Variants in ASTN2 observed in about 807,000 individuals in gnomAD.
ASTN2 encodes astrotactin-2.
ASTN2 carries 54 observed loss-of-function variants against 139.8 expected under a neutral mutation model. The observed-to-expected ratio is 0.39, with a 90% CI of 0.31 to 0.48. ASTN2 has a LOEUF of 0.48. ASTN2 is among the 20% of genes least tolerant of loss of function. ASTN2 has a pLI of 0.95. For synonymous variants in ASTN2, 756 were observed against 719.5 expected (o/e 1.05, Z -0.81); for missense variants, 1,565 against 1,725.1 (o/e 0.91, Z 1.64).
At chr9:117,123,512 T>C (rs1829611807) in intron 4 of ASTN2, among the ~76,000 whole-genome samples, 1 of 152,172 alleles carries the variant, frequency 6.6e-6, no homozygotes, top group East Asian at 1.9e-4. Context: ...GAAGTACAGT[T>C]AGATAACATA....
intron 7 of ASTN2, among the ~76,000 whole-genome samples, chr9:116,978,359 T>C (rs1265041432): frequency 6.6e-6 from 1 of 152,190 alleles, no homozygotes; most frequent in Non-Finnish European, 1.5e-5. Context: ...TAATTAACTA[T>C]CTGTTATTGC....
intron 20 of ASTN2, among the ~76,000 whole-genome samples, chr9:116,476,126 C>T (rs1434598313): frequency 6.6e-6 from 1 of 152,142 alleles, no homozygotes; most frequent in Non-Finnish European, 1.5e-5. Context: ...TGGAAAGAAT[C>T]CTTCCTTGCC....
rs191318768 is a variant in ASTN2, at chr9:116,734,631, T to C, written c.2397-1108A>G. Among the ~76,000 whole-genome samples the C allele has an allele frequency of 5.5e-3, 831 of 152,156 alleles. 45 individuals are homozygous for C. The South Asian group carries it at 0.14, about 26-fold the overall frequency. On this transcript the variant is annotated intron_variant, in intron 13 of 22. Transcript: ENST00000313400. ...AAGGAGGAAGATGTTTATTACTTCA[T>C]TTTGACACATGGAATGGTCAACCTT... is the stretch of plus-strand genomic sequence containing the variant.
chr9:116,632,128 AAGAGAG>A lies in ASTN2; in HGVS notation c.3073-11691_3073-11686del, dbSNP rs145360209. Among the ~76,000 whole-genome samples, 244 of 47,758 alleles carry A rather than the reference AAGAGAG, an allele frequency of 5.1e-3. 4 individuals carry two copies. The highest frequency in any genetic ancestry group is 0.017 in the East Asian group (16 of 964). The allele number at this position is 47,758 out of a possible 152,430, so 31.3% of individuals were successfully genotyped here. Reference sequence around the variant, plus strand: ...ACTGTGTCAAAAGAAAAAGAAAAAGAAGAGAGAGAGAGAGAGAGAGAGAGAGAGACA... The same window carrying A: ...ACTGTGTCAAAAGAAAAAGAAAAAGAAGAGAGAGAGAGAGAGAGAGAGACA... On this transcript the variant is annotated intron_variant, in intron 17 of 22. Transcript: ENST00000313400.
At chr9:117,374,243 C>T (rs532543372) in intron 1 of ASTN2, among the ~76,000 whole-genome samples, 4 of 152,060 alleles carry the variant, frequency 2.6e-5, no homozygotes, top group South Asian at 2.1e-4. Context: ...GGATTCACCC[C>T]AGTCTCTGCC....
chr9:116,522,013 A>G (rs752156523), intron 19 of ASTN2, among the ~76,000 whole-genome samples: 25 of 152,184 alleles, frequency 1.6e-4, no homozygotes, highest in Non-Finnish European at 3.1e-4. Flanking sequence ...ACAAAAAGTA[A>G]TAGATGTTGG....
intron 17 of ASTN2, among the ~76,000 whole-genome samples, chr9:116,638,661 G>A (rs547139167): frequency 1.6e-4 from 25 of 152,256 alleles, no homozygotes; most frequent in East Asian, 1.4e-3. Context: ...AGGTTGTGGG[G>A]AACTCTGCAG....
chr9:116,681,376 G>A (rs1419675399), intron 16 of ASTN2, among the ~76,000 whole-genome samples: 2 of 152,078 alleles, frequency 1.3e-5, no homozygotes, highest in East Asian at 1.9e-4. Context: ...AATAAAAGAG[G>A]ATACAAACAA....
intron 1 of ASTN2, among the ~76,000 whole-genome samples, chr9:117,396,940 GCTTTTT>G (rs1042570699): frequency 9.0e-6 from 1 of 111,326 alleles, no homozygotes; most frequent in African/African-American, 3.4e-5. Context: ...ATCCACTCAA[GCTTTTT>G]TTTTTTTTTT....
At chr9:116,553,076 T>A (rs1489459741) in intron 19 of ASTN2, among the ~76,000 whole-genome samples, 1 of 152,132 alleles carries the variant, frequency 6.6e-6, no homozygotes, top group Non-Finnish European at 1.5e-5. Flanking sequence ...TTAAAAGATG[T>A]CTGAGTTAGG....
At chr9:116,610,794 CA>C (rs1197375233) in intron 19 of ASTN2, 1 of 151,988 alleles carries the variant, frequency 6.6e-6, no homozygotes, top group Non-Finnish European at 1.5e-5. Flanking sequence ...ACTTAAATAA[CA>C]ATAACTTCAA....
intron 1 of ASTN2, among the ~76,000 whole-genome samples, chr9:117,411,077 C>G (rs1387666776): frequency 2.0e-5 from 3 of 152,116 alleles, no homozygotes; most frequent in Admixed American, 2.0e-4. Flanking sequence ...ACCAGGATTC[C>G]AGTTCCAGGT....
intron 16 of ASTN2, among the ~76,000 whole-genome samples, chr9:116,724,539 C>A (rs1220461194): frequency 1.3e-5 from 2 of 152,180 alleles, no homozygotes; most frequent in East Asian, 3.9e-4. Context: ...AGGTGTAGAG[C>A]ACCCCACTTG....
intron 22 of ASTN2, among the ~76,000 whole-genome samples, chr9:116,430,793 G>T (rs1474707298): frequency 2.0e-5 from 3 of 152,224 alleles, no homozygotes; most frequent in Admixed American, 6.5e-5. Flanking sequence ...TGGAGAGAAG[G>T]GTTGGAGGTG....
intron 5 of ASTN2, among the ~76,000 whole-genome samples, chr9:117,094,011 T>C (rs1828772478): frequency 6.6e-6 from 1 of 152,020 alleles, no homozygotes; most frequent in South Asian, 2.1e-4. Flanking sequence ...AATTTTAAAT[T>C]GTTGTTTGGT....
chr9:117,007,670 T>C (rs1265346755), intron 7 of ASTN2, among the ~76,000 whole-genome samples: 1 of 152,218 alleles, frequency 6.6e-6, no homozygotes, highest in Admixed American at 6.5e-5. Flanking sequence ...TTAATGAATA[T>C]GCTGTGAGAT....
chr9:116,589,570 A>G (rs16933729), intron 19 of ASTN2, among the ~76,000 whole-genome samples: 30,357 of 152,096 alleles, frequency 0.2, 3,846 homozygotes, highest in African/African-American at 0.35. Context: ...TTGAAAACAA[A>G]GATTCTGCAT....
At chr9:117,095,918 G>A (rs1828828886) in intron 5 of ASTN2, 126 bp downstream of exon 5, 1 of 786,564 alleles carries the variant, frequency 1.3e-6, no homozygotes, top group African/African-American at 1.7e-5. Flanking sequence ...CAGATACTAA[G>A]CTCAGTTTTA....
intron 2 of ASTN2, among the ~76,000 whole-genome samples, chr9:117,283,374 T>TA (rs1350722065): frequency 6.6e-6 from 1 of 152,222 alleles, no homozygotes; most frequent in East Asian, 1.9e-4. Flanking sequence ...CTTAAAATTT[T>TA]AAAGTATTTT....
Sources: gnomAD v4.1 joint callset for allele counts (sites outside exome capture counted in the v4.1 genomes callset) on GRCh38, gnomAD v4.1.1 for gene constraint, MANE v1.5 for transcripts, NCBI Gene and HGNC (gene_info 2026-07-23, HGNC 2026-07-21) for gene names.